ASTN2: variants seen among roughly 807,000 people sequenced by gnomAD.
The protein encoded by ASTN2 is astrotactin-2.
ASTN2 carries 54 observed loss-of-function variants against 139.8 expected under a neutral mutation model. That is an observed-to-expected ratio of 0.39 (90% CI 0.31 to 0.48). The LOEUF is 0.48. Among genes scored for constraint, ASTN2 ranks in the 20% least tolerant of loss-of-function variants. ASTN2 has a pLI of 0.95. For synonymous variants in ASTN2, 756 were observed against 719.5 expected, an observed-to-expected ratio of 1.05 and a Z score of -0.81; for missense variants, 1,565 against 1,725.1, an observed-to-expected ratio of 0.91 and a Z score of 1.64.
At chr9:116,737,446 C>T (rs950905915) in intron 13 of ASTN2, among the ~76,000 whole-genome samples, 13 of 142,808 alleles carry the variant, frequency 9.1e-5, no homozygotes, top group Non-Finnish European at 1.2e-4. Flanking sequence ...AGATTCTTAG[C>T]GCTCGTGTGT....
chr9:117,250,850 TA>T (rs1488003043), intron 2 of ASTN2, among the ~76,000 whole-genome samples: 1 of 152,202 alleles, frequency 6.6e-6, no homozygotes, highest in African/African-American at 2.4e-5. Flanking sequence ...CAAGGGCTTC[TA>T]GGAGGAAGTA....
At position 117,190,157 on chromosome 9, in the gene ASTN2, C is replaced by T. The variant is rs138099466; in HGVS notation, c.1015+24201G>A. ...TTCCAAAGCAGTTGCTACCACTCAG[C>T]TCCTGCTAAGTGCTGGAAGGCACAA... On this transcript the variant is annotated intron_variant, in intron 3 of 22. Transcript: ENST00000313400. Among the ~76,000 whole-genome samples, 320 of 152,312 alleles carry T rather than the reference C, an allele frequency of 2.1e-3. 3 individuals carry two copies. Among genetic ancestry groups the T allele is most frequent in the African/African-American group, 7.4e-3 (309 of 41,570 alleles).
At chr9:117,255,114 C>G (rs1325896931) in intron 2 of ASTN2, among the ~76,000 whole-genome samples, 2 of 152,150 alleles carry the variant, frequency 1.3e-5, no homozygotes, top group African/African-American at 2.4e-5. Context: ...GTGACTTATT[C>G]CATTCTGGGC....
chr9:117,369,013 A>C (rs1458211889), intron 1 of ASTN2, among the ~76,000 whole-genome samples: 1 of 152,194 alleles, frequency 6.6e-6, no homozygotes, highest in Non-Finnish European at 1.5e-5. Context: ...GTTGCTAATG[A>C]AGATAGAAAA....
At chr9:116,779,326 T>C (rs999694943) in intron 13 of ASTN2, among the ~76,000 whole-genome samples, 2 of 152,108 alleles carry the variant, frequency 1.3e-5, no homozygotes, top group African/African-American at 4.8e-5. Context: ...TTTTGCCAGG[T>C]GAGGACACAG....
intron 4 of ASTN2, among the ~76,000 whole-genome samples, chr9:117,112,325 C>T (rs181232333): frequency 6.6e-6 from 1 of 151,738 alleles, no homozygotes; most frequent in African/African-American, 2.4e-5. Flanking sequence ...AAGTAATCCA[C>T]AATAGCTAAG....
intron 3 of ASTN2, among the ~76,000 whole-genome samples, chr9:117,198,646 A>G (rs1831594083): frequency 6.6e-6 from 1 of 152,168 alleles, no homozygotes; most frequent in Admixed American, 6.5e-5. Context: ...TCCTTTGGGT[A>G]TATACCCAGT....
rs1588217225 is a variant in ASTN2 at position 116,698,783 on chromosome 9, G to A, written c.2806+26988C>T. 1.1e-5 allele frequency: 18 copies of A among 1,614,186 alleles called. No individual in the cohort carries two copies. Among genetic ancestry groups the A allele is most frequent in the Non-Finnish European group, 1.5e-5 (18 of 1,180,040 alleles). On this transcript the variant is annotated intron_variant, in intron 16 of 22. Coordinates refer to ENST00000313400, the MANE Select transcript of ASTN2 (RefSeq NM_001365068.1). The surrounding 1 kb of genome is among the most constrained non-coding windows in gnomAD (Gnocchi z 4.4). ...CACCTGCTAAACAGCGGGGTCCTGA[G>A]GCAGCCTCCAATATCCAGCAGTGCC...
At chr9:117,020,452 C>A (rs992382287) in intron 6 of ASTN2, among the ~76,000 whole-genome samples, 2 of 151,930 alleles carry the variant, frequency 1.3e-5, no homozygotes, top group African/African-American at 4.8e-5. Context: ...ATGCCACTTT[C>A]TTCTTCTCAC....
intron 4 of ASTN2, among the ~76,000 whole-genome samples, chr9:117,101,633 G>T (rs1828981181): frequency 6.6e-6 from 1 of 152,134 alleles, no homozygotes; most frequent in Admixed American, 6.5e-5. Flanking sequence ...CTCACAAGGG[G>T]TCTGAGATGT....
At chr9:117,139,600 G>A (rs1183487405) in intron 4 of ASTN2, among the ~76,000 whole-genome samples, 1 of 152,214 alleles carries the variant, frequency 6.6e-6, no homozygotes. Context: ...ACAAGATTAA[G>A]AATTAGACAT....
At chr9:116,795,243 G>T (rs1289800109) in intron 13 of ASTN2, among the ~76,000 whole-genome samples, 4 of 152,218 alleles carry the variant, frequency 2.6e-5, no homozygotes, top group African/African-American at 9.6e-5. Context: ...TTCCCAAAGT[G>T]CTGGGATTAC....
intron 19 of ASTN2, chr9:116,552,026 T>C (rs1472000975): frequency 6.6e-6 from 1 of 152,060 alleles, no homozygotes; most frequent in Non-Finnish European, 1.5e-5. Context: ...CATATACATA[T>C]ACATACACAT....
chr9:116,747,751 C>T (rs1829286586), intron 13 of ASTN2, among the ~76,000 whole-genome samples: 1 of 151,824 alleles, frequency 6.6e-6, no homozygotes, highest in Non-Finnish European at 1.5e-5. Context: ...CATACATACA[C>T]AGAGTCAGAG....
chr9:117,125,578 A>G (rs1227224684), intron 4 of ASTN2, among the ~76,000 whole-genome samples: 1 of 152,176 alleles, frequency 6.6e-6, no homozygotes, highest in Non-Finnish European at 1.5e-5. Flanking sequence ...AGCCTTTTGG[A>G]GTCTCTCTTG....
In ASTN2 at chr9:116,925,725, A is replaced by G. The variant is rs899115205; in HGVS notation, c.1889+49483T>C. ...GTGTGGGGGGTGGGGGGATGAACAT[A>G]TTGTAGGCTGTGATTAATAATTTAA... On this transcript the variant is annotated intron_variant, in intron 10 of 22. Coordinates refer to ENST00000313400, the MANE Select transcript of ASTN2 (RefSeq NM_001365068.1). 3.2e-4 allele frequency among the ~76,000 whole-genome samples: 49 copies of G among 152,052 alleles called. 1 individual carries two copies. The highest frequency in any genetic ancestry group is 2.5e-4 in the Non-Finnish European group (17 of 68,026).
At chr9:116,663,808 A>C (rs1338897943) in intron 16 of ASTN2, among the ~76,000 whole-genome samples, 1 of 152,166 alleles carries the variant, frequency 6.6e-6, no homozygotes, top group Non-Finnish European at 1.5e-5. Context: ...ATAAATCCTA[A>C]CAATGAGAGG....
Position 117,365,853 on chromosome 9 carries a change from G to T in ASTN2, c.442+48644C>A, listed in dbSNP as rs116689278. Among the ~76,000 whole-genome samples the T allele has an allele frequency of 5.7e-3, 869 of 152,292 alleles. 5 individuals carry two copies. Among genetic ancestry groups the T allele is most frequent in the African/African-American group, 0.018 (744 of 41,572 alleles). ...AATGCACTGGCCTAGGGGTTTGGAG[G>T]TATCTTAGGCAGGCCACTTCTCTTA... On this transcript the variant is annotated intron_variant, in intron 1 of 22. Transcript: ENST00000313400.
Position 116,792,606 on chromosome 9 carries a change from T to C in ASTN2, c.2396+13026A>G, listed in dbSNP as rs556044463. On this transcript the variant is annotated intron_variant, in intron 13 of 22. Transcript: ENST00000313400. The stretch of plus-strand genomic sequence containing the variant: ...GAGCGGATGAACACAAAATAACCTT[T>C]GCTACATTATGCACCGGGGGCCTAT... Among the ~76,000 whole-genome samples the C allele has an allele frequency of 7.2e-5, 11 of 152,298 alleles. No homozygotes were observed. The South Asian group carries it at 2.1e-3, about 29-fold the overall frequency.
Sources: gnomAD v4.1 joint callset for allele counts (sites outside exome capture counted in the v4.1 genomes callset) on GRCh38, gnomAD v4.1.1 for gene constraint, Gnocchi (gnomAD v3.1) non-coding constraint, MANE v1.5 for transcripts, NCBI Gene and HGNC (gene_info 2026-07-23, HGNC 2026-07-21) for gene names.